The following ADGRL2 variants were observed in gnomAD, a reference collection of about 807,000 sequenced individuals.
The protein encoded by ADGRL2 is adhesion G protein-coupled receptor L2.
In ADGRL2, 44 loss-of-function variants were observed where a neutral mutation model predicts 157.4. The ratio of observed to expected loss-of-function variants is 0.28; its 90% confidence interval spans 0.22 to 0.36. The LOEUF (loss-of-function observed/expected upper bound fraction) is 0.36, where lower values mean the gene tolerates loss of function less well. Ranked by LOEUF, ADGRL2 falls within the 10% of genes least tolerant of loss-of-function variation. ADGRL2 has a pLI of 1.00. For synonymous variants in ADGRL2, 585 were observed against 624.7 expected (o/e 0.94, Z 0.95); for missense variants, 1,510 against 1,768.9 (o/e 0.85, Z 2.63).
chr1:81,698,889 C>CT (rs921922984), upstream of ADGRL2, among the ~76,000 whole-genome samples: 1 of 152,018 alleles, frequency 6.6e-6, no homozygotes, highest in Admixed American at 6.6e-5. Context: ...AGCCAACCAA[C>CT]TTTTTTTTAA....
At chr1:81,590,902 A>G (rs574004995) in intron 3 of ADGRL2, among the ~76,000 whole-genome samples, 2 of 152,194 alleles carry the variant, frequency 1.3e-5, no homozygotes, top group Admixed American at 1.3e-4. Context: ...ACCCCATATG[A>G]GAAAACTGTC....
intron 1 of ADGRL2, among the ~76,000 whole-genome samples, chr1:81,733,928 C>T (rs572553501): frequency 6.6e-6 from 1 of 152,006 alleles, no homozygotes; most frequent in South Asian, 2.1e-4. Flanking sequence ...TACAACAAAC[C>T]TCCATGACAC....
intron 3 of ADGRL2, among the ~76,000 whole-genome samples, chr1:81,658,322 T>C (rs2082579429): frequency 1.3e-5 from 2 of 152,156 alleles, no homozygotes; most frequent in Admixed American, 6.5e-5. Context: ...CTTGAACTCC[T>C]GACCTCAGGT....
rs938434567 is a variant in ADGRL2, at chr1:81,503,154, C to A, written c.-248+58065C>A. On this transcript the variant is annotated intron_variant, in intron 2 of 24. Coordinates refer to the ADGRL2 transcript ENST00000370721. ...TGGTGCAGCAGGCCTTCCAGCGCAA[C>A]TTTTTCAGCATGGCACGGCAGCTCC... 6 of 1,614,078 alleles carry A rather than the reference C, an allele frequency of 3.7e-6. No individual in the cohort carries two copies. In the African/African-American group the frequency reaches 4.0e-5, roughly 11 times the overall value.
chr1:81,308,849 G>A (rs953362065), intron 1 of ADGRL2, among the ~76,000 whole-genome samples: 1 of 152,114 alleles, frequency 6.6e-6, no homozygotes, highest in Admixed American at 6.6e-5. Context: ...TGCCTCATCT[G>A]TAAACTTGCC....
chr1:81,877,055 C>T (rs2093859065), intron 2 of ADGRL2, among the ~76,000 whole-genome samples: 1 of 152,142 alleles, frequency 6.6e-6, no homozygotes, highest in Non-Finnish European at 1.5e-5. Context: ...ACTCCTGTTC[C>T]TGTCTCCTGG....
chr1:81,396,584 G>C (rs545038143), intron 1 of ADGRL2, among the ~76,000 whole-genome samples: 2 of 152,204 alleles, frequency 1.3e-5, no homozygotes, highest in Admixed American at 6.5e-5. Flanking sequence ...CAAATTCTTA[G>C]AGAAAAAGCT....
intron 3 of ADGRL2, among the ~76,000 whole-genome samples, chr1:81,612,796 C>A (rs978328342): frequency 6.6e-6 from 1 of 152,020 alleles, no homozygotes; most frequent in East Asian, 1.9e-4. Flanking sequence ...AAATGGTCAA[C>A]AGGTATATGA....
chr1:81,507,633 G>T (rs1476709270), intron 2 of ADGRL2, among the ~76,000 whole-genome samples: 1 of 152,168 alleles, frequency 6.6e-6, no homozygotes, highest in South Asian at 2.1e-4. Context: ...AGCGGAAAAG[G>T]ATTCATCAAG....
chr1:81,598,259 T>A (rs2081273961), intron 3 of ADGRL2, among the ~76,000 whole-genome samples: 1 of 152,176 alleles, frequency 6.6e-6, no homozygotes, highest in African/African-American at 2.4e-5. Context: ...ACACAGCTAA[T>A]ATTGGCAAGA....
intron 3 of ADGRL2, among the ~76,000 whole-genome samples, chr1:81,671,030 A>G (rs1325217415): frequency 6.6e-6 from 1 of 152,212 alleles, no homozygotes; most frequent in East Asian, 1.9e-4. Flanking sequence ...ATTTTTAATA[A>G]GCCATATCTG....
intron 17 of ADGRL2, 33 bp downstream of exon 17, chr1:81,971,951 C>G (rs1658878426): frequency 6.8e-7 from 1 of 1,472,682 alleles, no homozygotes; most frequent in Admixed American, 1.7e-5. Flanking sequence ...TGCTTTTTAG[C>G]TTGCTGCTTT....
At chr1:81,857,867 T>G (rs767619530) in intron 2 of ADGRL2, among the ~76,000 whole-genome samples, 1 of 152,174 alleles carries the variant, frequency 6.6e-6, no homozygotes, top group Non-Finnish European at 1.5e-5. Flanking sequence ...ATAATCATCT[T>G]GGAATTTTTA....
At chr1:81,666,287 C>T (rs946437175) in intron 3 of ADGRL2, among the ~76,000 whole-genome samples, 3 of 152,156 alleles carry the variant, frequency 2.0e-5, no homozygotes, top group African/African-American at 7.2e-5. Flanking sequence ...TATAAAGGTT[C>T]GTCAACTCCA....
chr1:81,401,797 G>A (rs573441474), intron 1 of ADGRL2, among the ~76,000 whole-genome samples: 2 of 152,164 alleles, frequency 1.3e-5, no homozygotes, highest in Admixed American at 1.3e-4. Context: ...TCTGTTACGA[G>A]GACTAAAACC....
chr1:81,749,936 A>C (rs902619339), intron 1 of ADGRL2, among the ~76,000 whole-genome samples: 3 of 152,188 alleles, frequency 2.0e-5, no homozygotes, highest in Non-Finnish European at 4.4e-5. Flanking sequence ...ATATTGATTA[A>C]TTGAGAACTG....
intron 8 of ADGRL2, 99 bp downstream of exon 8, chr1:81,951,220 C>G (rs1216962795): frequency 1.3e-6 from 1 of 765,590 alleles, no homozygotes; most frequent in African/African-American, 1.8e-5. Context: ...CTTTATTGCT[C>G]TTTGTTCAGT....
chr1:81,426,433 G>A (rs368909999), intron 1 of ADGRL2: 14 of 367,578 alleles, frequency 3.8e-5, no homozygotes, highest in Admixed American at 7.1e-5. Context: ...AACTCGAGTC[G>A]GAAGAGGTGA....
Position 81,960,090 on chromosome 1 carries a change from A to G in ADGRL2, c.2017+4030A>G, listed in dbSNP as rs529709563. Among the ~76,000 whole-genome samples, 81 of 152,198 alleles carry G rather than the reference A, an allele frequency of 5.3e-4. 1 individual carries two copies. The highest frequency in any genetic ancestry group is 4.8e-3 in the South Asian group (23 of 4,816). On this transcript the variant is annotated intron_variant, in intron 11 of 23. Coordinates refer to ENST00000686636, the MANE Select transcript of ADGRL2 (RefSeq NM_001366006.2). ...GCTGGGATTACAGGCATGAACCACC[A>G]TTCCTGGCCAAGTATTTTTTCATTA...
Sources: allele counts gnomAD v4.1 joint callset (sites outside exome capture counted in the v4.1 genomes callset), GRCh38; gene constraint gnomAD v4.1.1; transcripts MANE v1.5; gene names NCBI Gene and HGNC (gene_info 2026-07-23, HGNC 2026-07-21).